Variants in YBEY observed in about 807,000 individuals in gnomAD.
The protein encoded by YBEY is ybeY metalloendoribonuclease.
In YBEY, 15 loss-of-function variants were observed where a neutral mutation model predicts 13.5. The ratio of observed to expected loss-of-function variants is 1.11; its 90% CI spans 0.75 to 1.72. YBEY has a LOEUF of 1.72. Among genes scored for constraint, YBEY ranks in the 40% most tolerant of loss-of-function variants. The pLI is 0.00. For synonymous variants in YBEY, 101 were observed against 83.1 expected (o/e 1.21, Z -1.17); for missense variants, 244 against 208.4 (o/e 1.17, Z -1.05).
At chr21:46,311,690 TCCAACCAACCAA>T in the YBEY span, 1 of 475,580 alleles carries the variant, frequency 2.1e-6, no homozygotes. Context: ...CACCCATCCA[TCCAACCAACCAA>T]CCAACCAACC....
chr21:46,300,900 G>C, downstream of YBEY: 3 of 953,866 alleles, frequency 3.1e-6, no homozygotes, highest in Non-Finnish European at 4.2e-6. Flanking sequence ...GTAACAAAAA[G>C]TAAAGAAAAG....
the YBEY span, chr21:46,311,647 C>T: frequency 1.3e-6 from 1 of 761,718 alleles, no homozygotes; most frequent in Admixed American, 2.7e-5. Context: ...ATCCATCCAC[C>T]CACCCATCCA....
chr21:46,286,749 T>C, intron 1 of YBEY, 121 bp from the exon 2 acceptor site: 1 of 646,578 alleles, frequency 1.5e-6, no homozygotes, highest in Non-Finnish European at 2.6e-6. Context: ...TAAATGTAAA[T>C]TCCCTTAAGA....
At position 46,291,256 on chromosome 21, in the gene YBEY, T is replaced by A. The variant is rs919631913; in HGVS notation, c.211-78T>A. ...AGATAAGTGCTTATTTGCCTTGGGA[T>A]TAACCAGGATGAAACCTGTCAACCT... On this transcript the variant is annotated intron_variant, in intron 2 of 4. Coordinates refer to ENST00000397701, the MANE Select transcript of YBEY (RefSeq NM_001314025.2). 5.7e-6 allele frequency: 9 copies of A among 1,574,410 alleles called. No individual in the cohort carries two copies. In the Admixed American group the frequency reaches 1.7e-4, roughly 30 times the overall value.
chr21:46,291,260 C>T, intron 2 of YBEY, 74 bp from the exon 3 acceptor site: 1 of 1,577,550 alleles, frequency 6.3e-7, no homozygotes, highest in Non-Finnish European at 8.6e-7. Context: ...TTGGGATTAA[C>T]CAGGATGAAA....
At chr21:46,295,287 C>G (rs933617065) in intron 3 of YBEY, among the ~76,000 whole-genome samples, 1 of 152,010 alleles carries the variant, frequency 6.6e-6, no homozygotes, top group Non-Finnish European at 1.5e-5. Flanking sequence ...TCAGGGCTGG[C>G]TCTCAGCTGC....
downstream of YBEY, chr21:46,302,450 C>A: frequency 6.6e-7 from 1 of 1,509,140 alleles, no homozygotes. Context: ...GGCCCTGTTT[C>A]CTTGGCCTAG....
At chr21:46,302,460 G>C (rs763349697), downstream of YBEY, 1 of 1,557,936 alleles carries the variant, frequency 6.4e-7, no homozygotes, top group Non-Finnish European at 8.8e-7. Context: ...CCTTGGCCTA[G>C]GGTTCTGCTG....
At chr21:46,292,528 G>T (rs897998172) in intron 3 of YBEY, among the ~76,000 whole-genome samples, 2 of 150,986 alleles carry the variant, frequency 1.3e-5, no homozygotes, top group African/African-American at 4.9e-5. Flanking sequence ...AGCTTGGCCT[G>T]TGCCCGGGAC....
downstream of YBEY, chr21:46,300,943 A>G: frequency 1.2e-6 from 1 of 804,286 alleles, no homozygotes; most frequent in Admixed American, 3.4e-5. Context: ...ACATGGTAAG[A>G]AACCCCACAG....
At chr21:46,312,567 TCCAA>T in the YBEY span, among the ~76,000 whole-genome samples, 1 of 152,050 alleles carries the variant, frequency 6.6e-6, no homozygotes. Context: ...GAGCCACCCA[TCCAA>T]CCAACCAACA....
the YBEY span, among the ~76,000 whole-genome samples, chr21:46,303,735 A>AT: frequency 3.6e-5 from 1 of 28,122 alleles, no homozygotes; most frequent in Non-Finnish European, 7.2e-5. Context: ...ATATATATAT[A>AT]TATATATATA....
At chr21:46,292,768 AGT>A (rs2081782042) in intron 3 of YBEY, among the ~76,000 whole-genome samples, 1 of 107,158 alleles carries the variant, frequency 9.3e-6, no homozygotes, top group Non-Finnish European at 2.1e-5. Context: ...GACTCAGTGG[AGT>A]CAGCCACACA....
chr21:46,293,485 G>C (rs2081825502), intron 3 of YBEY, among the ~76,000 whole-genome samples: 1 of 38,174 alleles, frequency 2.6e-5, no homozygotes, highest in Admixed American at 2.7e-4. Context: ...CGGTTAGCCT[G>C]ACCCGTGCCC....
At chr21:46,302,025 T>C (rs974328592), downstream of YBEY, 2 of 1,536,040 alleles carry the variant, frequency 1.3e-6, no homozygotes, top group Non-Finnish European at 1.8e-6. Flanking sequence ...GTCCACAGGC[T>C]GGGGGCGGGC....
downstream of YBEY, chr21:46,300,574 T>G: frequency 9.7e-7 from 1 of 1,026,992 alleles, no homozygotes; most frequent in Non-Finnish European, 1.2e-6. Flanking sequence ...CACGAAAAGA[T>G]GGTTCTGAGA....
At chr21:46,306,217 A>G in the YBEY span, among the ~76,000 whole-genome samples, 2 of 152,214 alleles carry the variant, frequency 1.3e-5, no homozygotes. Context: ...GCATTTAAAA[A>G]TAAAGGTAGG....
chr21:46,306,977 C>G, the YBEY span, among the ~76,000 whole-genome samples: 1,660 of 152,118 alleles, frequency 0.011, 40 homozygotes, highest in African/African-American at 0.039. Context: ...CTCACTGCAG[C>G]CTCCGCCTCC....
the YBEY span, among the ~76,000 whole-genome samples, chr21:46,307,786 C>T: frequency 1.3e-5 from 2 of 152,184 alleles, no homozygotes; most frequent in African/African-American, 2.4e-5. Flanking sequence ...CCATTCTACA[C>T]ACGTCTGCCC....
Sources: gnomAD v4.1 joint callset for allele counts (sites outside exome capture counted in the v4.1 genomes callset) on GRCh38, gnomAD v4.1.1 for gene constraint, MANE v1.5 for transcripts, NCBI Gene and HGNC (gene_info 2026-07-23, HGNC 2026-07-21) for gene names.